ARFGEF3: variants seen among roughly 807,000 people sequenced by gnomAD.
ARFGEF3 encodes the protein ARFGEF family member 3.
In ARFGEF3, 96 loss-of-function variants were observed where a neutral mutation model predicts 221.7. The observed-to-expected ratio is 0.43, with a 90% CI of 0.37 to 0.51. ARFGEF3 has a LOEUF of 0.51. Among genes scored for constraint, ARFGEF3 ranks in the 20% least tolerant of loss-of-function variants. The pLI is 0.00. For missense variants in ARFGEF3, 2,410 were observed against 2,789.9 expected (o/e 0.86, Z 3.07); for synonymous variants, 1,145 against 1,126.8 (o/e 1.02, Z -0.32).
chr6:138,290,782 C>T (rs990267532), intron 18 of ARFGEF3, among the ~76,000 whole-genome samples: 27 of 152,180 alleles, frequency 1.8e-4, no homozygotes, highest in African/African-American at 5.8e-4. Context: ...CAAGAGTGGC[C>T]AGGGCAATGG....
chr6:138,330,539 T>A (rs1370418073), intron 32 of ARFGEF3, among the ~76,000 whole-genome samples: 5 of 152,140 alleles, frequency 3.3e-5, no homozygotes, highest in Non-Finnish European at 7.4e-5. Context: ...GCGTGCTGGC[T>A]CATGCCTGTA....
chr6:138,288,923 C>T (rs1033177256), intron 17 of ARFGEF3, among the ~76,000 whole-genome samples: 3 of 152,110 alleles, frequency 2.0e-5, no homozygotes, highest in Non-Finnish European at 4.4e-5. Context: ...TCTGAAGTCA[C>T]CTTCTGCATT....
rs1562380828 is a variant in ARFGEF3 at position 138,289,799 on chromosome 6, A to T, written c.2897-19A>T. Reference sequence around the variant, plus strand: ...CCCTTACTCAACCTGTTATTTTAATAAATGTCTTTCTGGCACAGTGAAACT... The same window carrying T: ...CCCTTACTCAACCTGTTATTTTAATTAATGTCTTTCTGGCACAGTGAAACT... On this transcript the variant is annotated intron_variant, in intron 17 of 33. Transcript: ENST00000251691. 1 of 1,609,436 alleles carries T rather than the reference A, an allele frequency of 6.2e-7. No homozygotes were observed.
At chr6:138,302,293 G>T (rs1165783852) in intron 22 of ARFGEF3, among the ~76,000 whole-genome samples, 1 of 152,228 alleles carries the variant, frequency 6.6e-6, no homozygotes, top group Admixed American at 6.5e-5. Flanking sequence ...GTTGAGAAGG[G>T]CAATAACTGA....
chr6:138,266,420 G>C (rs766785289), intron 12 of ARFGEF3, among the ~76,000 whole-genome samples: 1 of 152,028 alleles, frequency 6.6e-6, no homozygotes, highest in Non-Finnish European at 1.5e-5. Context: ...AGGAAATAAA[G>C]AAGAGATGAG....
In ARFGEF3 at chr6:138,286,785, C is replaced by G. The variant is rs201869171; in HGVS notation, c.2654C>G (p.Ala885Gly). 6.2e-7 allele frequency: 1 copy of G among 1,613,922 alleles called. No individual in the cohort carries two copies. Among genetic ancestry groups the G allele is most frequent in the African/African-American group, 1.3e-5 (1 of 74,936 alleles). ...TLSTPLTGRM[A>G]GSSKGLAFIL... ...TCAACCCCACTGACTGGTCGAATGG[C>G]GGGGAGCTCCAAAGGGCTGGCCTTC... Residue 885 changes from alanine (A) to glycine (G), a missense_variant, in exon 16 of 34, where the codon GCG becomes GGG. Coordinates refer to ENST00000251691, the MANE Select transcript of ARFGEF3 (RefSeq NM_020340.5).
chr6:138,270,090 C>T (rs1404797830), intron 12 of ARFGEF3, among the ~76,000 whole-genome samples: 4 of 152,096 alleles, frequency 2.6e-5, no homozygotes, highest in South Asian at 2.1e-4. Flanking sequence ...GAGCTAAATA[C>T]GGCTGCTTTC....
intron 3 of ARFGEF3, among the ~76,000 whole-genome samples, chr6:138,207,930 G>A (rs551165411): frequency 1.1e-4 from 17 of 152,122 alleles, no homozygotes; most frequent in Non-Finnish European, 2.2e-4. Flanking sequence ...TGAGAAAACA[G>A]TTCTTTTTCC....
At chr6:138,230,550 T>C (rs149835287) in intron 5 of ARFGEF3, among the ~76,000 whole-genome samples, 1 of 152,234 alleles carries the variant, frequency 6.6e-6, no homozygotes, top group Non-Finnish European at 1.5e-5. Context: ...CAAAGAGGAA[T>C]GATTTTCTGA....
At chr6:138,304,851 A>G (rs2102478) in intron 22 of ARFGEF3, among the ~76,000 whole-genome samples, 4,942 of 152,286 alleles carry the variant, frequency 0.032, 264 homozygotes, top group African/African-American at 0.11. Flanking sequence ...GAATGTGATT[A>G]GTATTTGTCA....
At chr6:138,208,827 A>G (rs916538995) in intron 3 of ARFGEF3, among the ~76,000 whole-genome samples, 5 of 152,192 alleles carry the variant, frequency 3.3e-5, no homozygotes, top group African/African-American at 1.2e-4. Flanking sequence ...GTGAAACCTT[A>G]TCTGGTTTCA....
intron 4 of ARFGEF3, among the ~76,000 whole-genome samples, chr6:138,211,032 CA>C (rs1038891406): frequency 6.6e-6 from 1 of 152,172 alleles, no homozygotes; most frequent in African/African-American, 2.4e-5. Flanking sequence ...CTTATTCTTC[CA>C]CTTCCTAGCA....
intron 13 of ARFGEF3, among the ~76,000 whole-genome samples, chr6:138,278,845 A>G (rs1779147026): frequency 6.6e-6 from 1 of 152,202 alleles, no homozygotes; most frequent in African/African-American, 2.4e-5. Flanking sequence ...ACTGGGCTCC[A>G]GTGAAGAGTG....
At chr6:138,316,267 C>T (rs1327192586) in intron 26 of ARFGEF3, among the ~76,000 whole-genome samples, 1 of 151,960 alleles carries the variant, frequency 6.6e-6, no homozygotes, top group Non-Finnish European at 1.5e-5. Context: ...TAAATCAGAA[C>T]AAAAATCAGT....
At chr6:138,187,954 G>C (rs541465583) in intron 2 of ARFGEF3, among the ~76,000 whole-genome samples, 12 of 152,216 alleles carry the variant, frequency 7.9e-5, no homozygotes, top group African/African-American at 2.6e-4. Flanking sequence ...TGTGTGGGGG[G>C]GTTTAATCTA....
At chr6:138,191,779 C>G (rs1298538810) in intron 2 of ARFGEF3, among the ~76,000 whole-genome samples, 1 of 152,188 alleles carries the variant, frequency 6.6e-6, no homozygotes, top group East Asian at 1.9e-4. Flanking sequence ...GTCTTCTCTA[C>G]TTCGTTTGCA....
At position 138,317,021 on chromosome 6, in the gene ARFGEF3, A is replaced by G. The variant is rs567250325; in HGVS notation, c.4346-230A>G. Among the ~76,000 whole-genome samples the G allele has an allele frequency of 3.3e-5, 5 of 152,332 alleles. No homozygotes were observed. The South Asian group carries it at 1.0e-3, about 32-fold the overall frequency. ...AATTTCCTTAACCTATCACCTTTTT[A>G]TTAAAGGGGAAGGAGAAGGAAATGT... On this transcript the variant is annotated intron_variant, in intron 26 of 33. Coordinates refer to ENST00000251691, the MANE Select transcript of ARFGEF3 (RefSeq NM_020340.5).
At chr6:138,315,837 G>A (rs1048348128) in intron 26 of ARFGEF3, among the ~76,000 whole-genome samples, 8 of 144,942 alleles carry the variant, frequency 5.5e-5, no homozygotes, top group African/African-American at 1.5e-4. Flanking sequence ...GTGACAAAGC[G>A]AGACTGCATC....
intron 27 of ARFGEF3, among the ~76,000 whole-genome samples, chr6:138,318,292 T>TGA (rs1779961986): frequency 1.3e-5 from 2 of 152,336 alleles, no homozygotes; most frequent in Admixed American, 1.3e-4. Context: ...GCTTTCACAT[T>TGA]GATTGCCACT....
Sources: allele counts gnomAD v4.1 joint callset (sites outside exome capture counted in the v4.1 genomes callset), GRCh38; gene constraint gnomAD v4.1.1; transcripts MANE v1.5; gene names NCBI Gene and HGNC (gene_info 2026-07-23, HGNC 2026-07-21).